Variants in GEMIN7 observed in about 807,000 individuals in gnomAD.
The protein encoded by GEMIN7 is gem nuclear organelle associated protein 7.
In GEMIN7, 7 loss-of-function variants were observed where a neutral mutation model predicts 7.8. The ratio of observed to expected loss-of-function variants is 0.90; its 90% CI spans 0.51 to 1.69. The LOEUF is 1.69. Among genes scored for constraint, GEMIN7 ranks in the 40% most tolerant of loss-of-function variants. The probability of loss-of-function intolerance (pLI) is 0.00; values close to 1 mark genes in which losing one functional copy is unlikely to be tolerated. For missense variants in GEMIN7, 159 were observed against 176.2 expected (o/e 0.90, Z 0.55); for synonymous variants, 68 against 72.4 (o/e 0.94, Z 0.31).
chr19:45,075,828 C>T, upstream of GEMIN7: 1 of 1,614,082 alleles, frequency 6.2e-7, no homozygotes, highest in Non-Finnish European at 8.5e-7. Context: ...CGCAGGTCAA[C>T]AGATCTGGGT....
chr19:45,085,892 G>T (rs1174769101), intron 2 of GEMIN7, among the ~76,000 whole-genome samples: 1 of 126,754 alleles, frequency 7.9e-6, no homozygotes, highest in African/African-American at 3.2e-5. Flanking sequence ...TTTTGAGACG[G>T]AGTCTCGCTC....
At chr19:45,085,606 G>C (rs1475343536) in intron 2 of GEMIN7, 1 of 152,174 alleles carries the variant, frequency 6.6e-6, no homozygotes, top group South Asian at 2.1e-4. Context: ...TGTCTTGCAA[G>C]GGGCTCACAG....
intron 2 of GEMIN7, among the ~76,000 whole-genome samples, chr19:45,087,625 G>A (rs1311540889): frequency 6.6e-6 from 1 of 152,178 alleles, no homozygotes; most frequent in African/African-American, 2.4e-5. Context: ...GAGGATCAGC[G>A]AGGAGGCCTG....
chr19:45,085,052 C>T (rs1036095750), intron 2 of GEMIN7, among the ~76,000 whole-genome samples: 1 of 152,180 alleles, frequency 6.6e-6, no homozygotes, highest in Non-Finnish European at 1.5e-5. Flanking sequence ...GAATTACAGG[C>T]GTGAGCCACA....
chr19:45,076,402 G>GGGCA (rs754690103), upstream of GEMIN7: 274 of 1,237,876 alleles, frequency 2.2e-4, 2 homozygotes, highest in East Asian at 1.3e-3. This position sits in a 1 kb window ranked among gnomAD's most constrained non-coding sequence, Gnocchi z 4.9. Context: ...GCGAGCGGGC[G>GGGCA]GGCAGGCAGG....
At chr19:45,089,947 C>T (rs758436086) in intron 2 of GEMIN7, 160 bp from the exon 3 acceptor site, 24 of 699,138 alleles carry the variant, frequency 3.4e-5, no homozygotes, top group Non-Finnish European at 5.5e-5. Flanking sequence ...CTGATCCAAG[C>T]CATTGGGGGA....
intron 2 of GEMIN7, among the ~76,000 whole-genome samples, chr19:45,084,881 A>G (rs7246952): frequency 0.56 from 85,057 of 152,196 alleles, 24,570 homozygotes; most frequent in African/African-American, 0.68. Context: ...TCAGCCTTCC[A>G]AGTAGCTGGG....
intron 1 of GEMIN7, among the ~76,000 whole-genome samples, chr19:45,079,607 T>C (rs755280927): frequency 1.1e-4 from 17 of 152,238 alleles, no homozygotes; most frequent in Admixed American, 1.1e-3. Flanking sequence ...TCGCTCAGTC[T>C]GAGCCTGGAG....
chr19:45,082,968 A>T lies in GEMIN7; in HGVS notation c.-9+2939A>T, dbSNP rs980269135. Reference sequence around the variant, plus strand: ...AAAAATGATATAAAATTCAAATTTCAGTGTCCCAGTAAGTAAGGTTTTGTT... The same window carrying T: ...AAAAATGATATAAAATTCAAATTTCTGTGTCCCAGTAAGTAAGGTTTTGTT... On this transcript the variant is annotated intron_variant, in intron 2 of 2. Coordinates refer to ENST00000270257, the MANE Select transcript of GEMIN7 (RefSeq NM_024707.3). Among the ~76,000 whole-genome samples the T allele has an allele frequency of 4.6e-5, 7 of 152,180 alleles. 1 individual carries two copies. Among genetic ancestry groups the T allele is most frequent in the Admixed American group, 4.6e-4 (7 of 15,284 alleles).
intron 2 of GEMIN7, among the ~76,000 whole-genome samples, chr19:45,088,218 T>C (rs1468018221): frequency 1.3e-5 from 2 of 152,280 alleles, no homozygotes; most frequent in Admixed American, 6.5e-5. Context: ...AGTGCTGGGA[T>C]TACAGGTGTG....
upstream of GEMIN7, among the ~76,000 whole-genome samples, chr19:45,077,687 G>C (rs1007468621): frequency 6.6e-6 from 1 of 152,048 alleles, no homozygotes; most frequent in Non-Finnish European, 1.5e-5. Flanking sequence ...CTGACCAACA[G>C]TATCTAAAGT....
chr19:45,090,453 G>A lies in GEMIN7; in HGVS notation c.339G>A (p.Val113=), dbSNP rs1967859730. 4 of 1,613,828 alleles carry A rather than the reference G, an allele frequency of 2.5e-6. No homozygotes were observed. The change falls in exon 3 of 3, where the codon GTG becomes GTA. Residue 113 remains valine (V), a synonymous_variant. Coordinates refer to ENST00000270257, the MANE Select transcript of GEMIN7 (RefSeq NM_024707.3). Reference sequence around the variant, plus strand: ...CACAGCTGCAGACTCCCATAGGTGTGCAAGCAGAGGCGCTGCTCCGATGTA... The same window carrying A: ...CACAGCTGCAGACTCCCATAGGTGTACAAGCAGAGGCGCTGCTCCGATGTA... ...YVSQLQTPIG[V]QAEALLRCSD...
chr19:45,078,386 G>A (rs748417462), upstream of GEMIN7, among the ~76,000 whole-genome samples: 7 of 152,036 alleles, frequency 4.6e-5, no homozygotes, highest in African/African-American at 7.2e-5. Flanking sequence ...CACCGTGCCC[G>A]GCCTATTTTA....
chr19:45,089,967 A>C (rs1967834782), intron 2 of GEMIN7, 140 bp from the exon 3 acceptor site: 1 of 839,694 alleles, frequency 1.2e-6, no homozygotes, highest in Non-Finnish European at 1.9e-6. Context: ...ACGATGGCAC[A>C]GATTTTAGGA....
intron 2 of GEMIN7, among the ~76,000 whole-genome samples, chr19:45,088,095 G>A (rs10426759): frequency 0.56 from 83,902 of 150,296 alleles, 24,216 homozygotes; most frequent in African/African-American, 0.68. Context: ...ACAGGTGCCC[G>A]CCACGATGCT....
chr19:45,090,633 T>A lies in GEMIN7; in HGVS notation c.*123T>A, dbSNP rs1327337893. ...GCTCCCTTGGAATTTTGAGCCAAGC[T>A]TTAAGCAAGTCTGGACTCCTGAGAC... On this transcript the variant is annotated 3_prime_UTR_variant, in exon 3 of 3. Transcript: ENST00000270257. 5 of 951,554 alleles carry A rather than the reference T, an allele frequency of 5.3e-6. No individual in the cohort carries two copies. The Admixed American group carries it at 1.3e-4, about 26-fold the overall frequency. 58.9% of individuals were successfully genotyped at this position (951,554 alleles called of 1,614,324 possible). A position where few individuals can be genotyped will look rare whatever the true frequency, so the allele number is the denominator to read the frequency against.
chr19:45,076,544 G>T (rs1341515919), upstream of GEMIN7: 10 of 443,486 alleles, frequency 2.3e-5, no homozygotes, highest in Admixed American at 3.3e-4. The surrounding 1 kb of genome is among the most constrained non-coding windows in gnomAD (Gnocchi z 4.9). Context: ...CCAGGGCGGG[G>T]CTCATGGGAG....
At chr19:45,084,535 T>A (rs904759433) in intron 2 of GEMIN7, among the ~76,000 whole-genome samples, 12 of 151,696 alleles carry the variant, frequency 7.9e-5, no homozygotes, top group Non-Finnish European at 1.6e-4. Flanking sequence ...CCTGAGTAGT[T>A]GGGATTACAG....
intron 2 of GEMIN7, among the ~76,000 whole-genome samples, chr19:45,081,196 G>A (rs1967492623): frequency 6.6e-6 from 1 of 152,162 alleles, no homozygotes; most frequent in African/African-American, 2.4e-5. Flanking sequence ...GCCGGGCACG[G>A]TGGCTCATGC....
Sources: allele counts gnomAD v4.1 joint callset (sites outside exome capture counted in the v4.1 genomes callset), GRCh38; gene constraint gnomAD v4.1.1; non-coding constraint Gnocchi (gnomAD v3.1); transcripts MANE v1.5; gene names NCBI Gene and HGNC (gene_info 2026-07-23, HGNC 2026-07-21).